TC2N: variants seen among roughly 807,000 people sequenced by gnomAD.
TC2N encodes tandem C2 domains nuclear protein.
In TC2N, 51 loss-of-function variants were observed where a neutral mutation model predicts 61.9. The ratio of observed to expected loss-of-function variants is 0.82; its 90% CI spans 0.66 to 1.04. TC2N has a LOEUF of 1.04. Among genes scored for constraint, TC2N ranks in the 50% least tolerant of loss-of-function variants. The pLI is 0.00. For missense variants in TC2N, 556 were observed against 566.7 expected, an observed-to-expected ratio of 0.98 and a Z score of 0.19; for synonymous variants, 204 against 192.6, an observed-to-expected ratio of 1.06 and a Z score of -0.49.
intron 1 of TC2N, among the ~76,000 whole-genome samples, chr14:91,844,693 G>A (rs144951575): frequency 0.042 from 6,281 of 149,370 alleles, 168 homozygotes; most frequent in Middle Eastern, 0.08. Flanking sequence ...CCCGGGAGGC[G>A]GAGGTTGCAG....
rs77506400 is a variant in TC2N, at chr14:91,865,144, A to G, written c.-57+2118T>C. 9.9e-3 allele frequency among the ~76,000 whole-genome samples: 1,512 copies of G among 152,294 alleles called. 13 individuals are homozygous for G. The highest frequency in any genetic ancestry group is 0.016 in the Non-Finnish European group (1,114 of 68,030). On this transcript the variant is annotated intron_variant, in intron 1 of 11. Coordinates refer to ENST00000435962, the MANE Select transcript of TC2N (RefSeq NM_001128596.3). ...AAAAAGTCACTGCCTGTCAACATGC[A>G]GTTCCCCTCTGAAAGAACACCAAAA...
chr14:91,799,147 G>A, intron 5 of TC2N, 83 bp from the exon 6 acceptor site: 1 of 786,484 alleles, frequency 1.3e-6, no homozygotes, highest in South Asian at 1.7e-5. Flanking sequence ...ATCCATCCTA[G>A]TAACAAACTG....
chr14:91,804,413 T>C (rs1886408276), intron 3 of TC2N, among the ~76,000 whole-genome samples: 1 of 152,138 alleles, frequency 6.6e-6, no homozygotes, highest in African/African-American at 2.4e-5. Flanking sequence ...TTATTACCCA[T>C]AATAGCCAAA....
rs148609061 is a variant in TC2N at position 91,792,452 on chromosome 14, A to T, written c.962T>A (p.Ile321Asn). 1 of 1,611,516 alleles carries T rather than the reference A, an allele frequency of 6.2e-7. No individual in the cohort carries two copies. Among genetic ancestry groups the T allele is most frequent in the Non-Finnish European group, 8.5e-7 (1 of 1,178,330 alleles). Reference sequence around the variant, plus strand: ...TCTGAGTGACATTGAGCATTCTCCAATGGTTTTCTTCCTGGGAGTCTGGGT... The same window carrying T: ...TCTGAGTGACATTGAGCATTCTCCATTGGTTTTCTTCCTGGGAGTCTGGGT... Reference protein sequence around the residue: ...IQTQTPRKKTIGECSMSLRTL... With the variant: ...IQTQTPRKKTNGECSMSLRTL... Residue 321 changes from isoleucine (I) to asparagine (N), a missense_variant, in exon 9 of 12, where the codon ATT (isoleucine) becomes AAT (asparagine). By Grantham distance (149) the Ile-to-Asn change is moderately radical. Coordinates refer to ENST00000435962, the MANE Select transcript of TC2N (RefSeq NM_001128596.3).
At chr14:91,850,647 G>T (rs1888357111) in intron 1 of TC2N, among the ~76,000 whole-genome samples, 1 of 152,176 alleles carries the variant, frequency 6.6e-6, no homozygotes, top group East Asian at 1.9e-4. Flanking sequence ...AGAATCTAAT[G>T]CCTGCCCAGG....
chr14:91,805,491 A>T (rs1886467423), intron 3 of TC2N, among the ~76,000 whole-genome samples: 1 of 152,208 alleles, frequency 6.6e-6, no homozygotes, highest in Non-Finnish European at 1.5e-5. Context: ...ACATAGTGAA[A>T]TCCAGTCTCT....
intron 1 of TC2N, among the ~76,000 whole-genome samples, chr14:91,820,277 T>C (rs1209292338): frequency 1.3e-5 from 2 of 152,090 alleles, no homozygotes; most frequent in Admixed American, 6.5e-5. Context: ...TTATGTATCA[T>C]AACCAAGCAA....
At chr14:91,793,675 G>C (rs1486995631) in intron 8 of TC2N, among the ~76,000 whole-genome samples, 1 of 152,048 alleles carries the variant, frequency 6.6e-6, no homozygotes, top group Non-Finnish European at 1.5e-5. Context: ...TATAAGATGG[G>C]CAACTTAATC....
chr14:91,831,086 AG>A (rs939642341), intron 1 of TC2N, among the ~76,000 whole-genome samples: 2 of 152,194 alleles, frequency 1.3e-5, no homozygotes, highest in Non-Finnish European at 2.9e-5. Flanking sequence ...TAAGACTTAA[AG>A]GCTCCTTTAG....
chr14:91,836,949 G>A (rs1207671518), intron 1 of TC2N, among the ~76,000 whole-genome samples: 2 of 152,196 alleles, frequency 1.3e-5, no homozygotes, highest in Non-Finnish European at 2.9e-5. Context: ...TTGACTTTTA[G>A]AGTTTTTATA....
chr14:91,845,153 G>A (rs1034784178), intron 1 of TC2N, among the ~76,000 whole-genome samples: 4 of 151,998 alleles, frequency 2.6e-5, no homozygotes, highest in African/African-American at 4.8e-5. Context: ...ACTTGAACCC[G>A]GGAGATGGAG....
intron 3 of TC2N, among the ~76,000 whole-genome samples, chr14:91,811,513 A>C (rs1886767908): frequency 6.6e-6 from 1 of 152,056 alleles, no homozygotes; most frequent in South Asian, 2.1e-4. Flanking sequence ...CTTCTCTCTA[A>C]TAATTTGGCT....
At chr14:91,846,175 T>C (rs929550935) in intron 1 of TC2N, among the ~76,000 whole-genome samples, 1 of 152,184 alleles carries the variant, frequency 6.6e-6, no homozygotes, top group African/African-American at 2.4e-5. Context: ...TGCATTAGGA[T>C]TGGATTTTAA....
chr14:91,813,729 A>C lies in TC2N; in HGVS notation c.41T>G (p.Phe14Cys). 6.2e-7 allele frequency: 1 copy of C among 1,609,550 alleles called. No individual in the cohort carries two copies. ...GTTGTGTTTTTCTGTTTCACCATAGAAACATCCTCCACAGCAACTCTTTAT... is the reference window on the plus strand; with the variant it reads ...GTTGTGTTTTTCTGTTTCACCATAGCAACATCCTCCACAGCAACTCTTTAT... ...EFIKSCCGGC[F>C]YGETEKHNFS... The change falls in exon 2 of 12, where the codon TTC becomes TGC. Residue 14 changes from phenylalanine to cysteine, a missense_variant. By Grantham distance (205) the Phe-to-Cys change is radical. Coordinates refer to ENST00000435962, the MANE Select transcript of TC2N (RefSeq NM_001128596.3).
chr14:91,865,758 ATG>A (rs904417438), intron 1 of TC2N, among the ~76,000 whole-genome samples: 11 of 152,182 alleles, frequency 7.2e-5, no homozygotes, highest in Non-Finnish European at 1.3e-4. Flanking sequence ...TATAAAACAG[ATG>A]TCTTAATAAT....
intron 4 of TC2N, among the ~76,000 whole-genome samples, chr14:91,801,385 G>T (rs1886242039): frequency 6.6e-6 from 1 of 152,222 alleles, no homozygotes; most frequent in Non-Finnish European, 1.5e-5. Flanking sequence ...CTGGTGTAGT[G>T]GCTCATGCCT....
chr14:91,853,640 T>G (rs1310922514), intron 1 of TC2N, among the ~76,000 whole-genome samples: 2 of 140,110 alleles, frequency 1.4e-5, no homozygotes, highest in South Asian at 4.6e-4. Context: ...TTTTTTTTTT[T>G]TTTTAAAGTA....
At position 91,798,363 on chromosome 14, in the gene TC2N, C is replaced by T; in HGVS notation, c.674G>A (p.Gly225Glu). 2 of 1,594,242 alleles carry T rather than the reference C, an allele frequency of 1.3e-6. No individual in the cohort carries two copies. The highest frequency in any genetic ancestry group is 1.7e-6 in the Non-Finnish European group (2 of 1,168,956). The change falls in exon 7 of 12, where the codon GGG (glycine) becomes GAG (glutamate). Residue 225 changes from glycine (G) to glutamate (E), a missense_variant. Gly to Glu is a moderately conservative substitution (Grantham distance 98). Transcript: ENST00000435962. Reference protein sequence around the residue: ...ITLSGDERDFGRLNVKLFYNS... With the variant: ...ITLSGDERDFERLNVKLFYNS... ...ATAAAACAATTTCACATTCAGTCTCCCAAAGTCCCTTTCATCTCCTGATAG... is the reference window on the plus strand; with the variant it reads ...ATAAAACAATTTCACATTCAGTCTCTCAAAGTCCCTTTCATCTCCTGATAG...
chr14:91,833,774 C>A (rs1887890173), intron 1 of TC2N, among the ~76,000 whole-genome samples: 1 of 152,198 alleles, frequency 6.6e-6, no homozygotes, highest in Admixed American at 6.5e-5. Context: ...AATGACTACA[C>A]CAATTTACAC....
Sources: gnomAD v4.1 joint callset for allele counts (sites outside exome capture counted in the v4.1 genomes callset) on GRCh38, gnomAD v4.1.1 for gene constraint, MANE v1.5 for transcripts, NCBI Gene and HGNC (gene_info 2026-07-23, HGNC 2026-07-21) for gene names.